SVOP: variants seen among roughly 807,000 people sequenced by gnomAD.
The protein encoded by SVOP is SV2 related protein, also known as synaptic vesicle 2-related protein.
Under a neutral mutation model 69.1 loss-of-function variants are expected in SVOP, and 17 were observed. That is an observed-to-expected ratio of 0.25 (90% CI 0.17 to 0.37). The LOEUF (loss-of-function observed/expected upper bound fraction) is 0.37. SVOP is among the 10% of genes least tolerant of loss of function. The pLI, the probability that SVOP is intolerant of heterozygous loss-of-function variation, is 1.00. For synonymous variants in SVOP, 238 were observed against 238.6 expected, an observed-to-expected ratio of 1.00 and a Z score of 0.02; for missense variants, 435 against 597.5, an observed-to-expected ratio of 0.73 and a Z score of 2.84.
chr12:108,912,153 G>T lies in SVOP; in HGVS notation c.*382C>A. 1.9e-6 allele frequency: 2 copies of T among 1,050,796 alleles called. No homozygotes were observed. The highest frequency in any genetic ancestry group is 2.3e-6 in the Non-Finnish European group (2 of 869,718). The allele number at this position is 1,050,796 out of a possible 1,614,324, so 65.1% of individuals were successfully genotyped here. Reference sequence around the variant, plus strand: ...GGTGGGTGGACAGCAGGTGTCACATGGGCCTGAGCCTGGACGGTATCTACA... The same window carrying T: ...GGTGGGTGGACAGCAGGTGTCACATTGGCCTGAGCCTGGACGGTATCTACA... On this transcript the variant is annotated 3_prime_UTR_variant, in exon 16 of 16. Transcript: ENST00000610966.
At chr12:108,956,422 C>T (rs2039986308) in intron 6 of SVOP, among the ~76,000 whole-genome samples, 1 of 152,076 alleles carries the variant, frequency 6.6e-6, no homozygotes, top group Non-Finnish European at 1.5e-5. Context: ...AGGGGGTGGG[C>T]GCTCTAGCAG....
intron 1 of SVOP, among the ~76,000 whole-genome samples, chr12:108,992,266 T>A (rs908575664): frequency 1.4e-5 from 2 of 146,012 alleles, no homozygotes; most frequent in African/African-American, 5.0e-5. Context: ...TCCTCAGGGG[T>A]GCAGTGGCTC....
chr12:108,921,350 T>C (rs1383389436), intron 12 of SVOP, among the ~76,000 whole-genome samples: 1 of 152,154 alleles, frequency 6.6e-6, no homozygotes, highest in Non-Finnish European at 1.5e-5. Context: ...GGGTACTCAG[T>C]ATCATAGTTG....
At chr12:108,977,368 G>T (rs1437019303) in intron 4 of SVOP, 30 bp downstream of exon 4, 1 of 1,536,062 alleles carries the variant, frequency 6.5e-7, no homozygotes, top group South Asian at 1.2e-5. Flanking sequence ...AGAACTGTAT[G>T]CAACAGAAGG....
At chr12:108,962,060 A>G (rs1010774328) in intron 5 of SVOP, among the ~76,000 whole-genome samples, 11 of 152,128 alleles carry the variant, frequency 7.2e-5, no homozygotes, top group African/African-American at 2.4e-4. Context: ...ATACTCTTAC[A>G]TCCTCCTAAT....
At chr12:108,997,380 G>T (rs1266514615) in intron 1 of SVOP, among the ~76,000 whole-genome samples, 5 of 150,940 alleles carry the variant, frequency 3.3e-5, no homozygotes, top group Non-Finnish European at 6.0e-5. Context: ...AGCGAGGCTG[G>T]GGGAGGGGCG....
rs1316340600 is a variant in SVOP at position 108,922,664 on chromosome 12, AGCTTCACCTTGC to A, written c.1156+14_1156+25del. The A allele has an allele frequency of 6.5e-7, 1 of 1,548,548 alleles. No individual in the cohort carries two copies. The highest frequency in any genetic ancestry group is 8.8e-7 in the Non-Finnish European group (1 of 1,131,758). On this transcript the variant is annotated intron_variant, in intron 12 of 15. Transcript: ENST00000610966. ...CCATATTCCCAGGCTTGCCTGACAC[AGCTTCACCTTGC>A]ACAGGTCCCTCACCTGGAAACTCAG... is the stretch of plus-strand genomic sequence containing the variant.
intron 7 of SVOP, among the ~76,000 whole-genome samples, chr12:108,942,396 C>A (rs1159835385): frequency 2.0e-5 from 3 of 152,226 alleles, no homozygotes; most frequent in Non-Finnish European, 4.4e-5. Context: ...AGAATTGCCA[C>A]TTCTCGATGG....
At chr12:109,002,609 C>A (rs1399606629) in intron 1 of SVOP, among the ~76,000 whole-genome samples, 2 of 151,164 alleles carry the variant, frequency 1.3e-5, no homozygotes, top group African/African-American at 4.9e-5. Flanking sequence ...ACATGTACAC[C>A]ATGGAACACT....
intron 11 of SVOP, among the ~76,000 whole-genome samples, chr12:108,924,482 T>C (rs1195596637): frequency 6.6e-6 from 1 of 152,142 alleles, no homozygotes; most frequent in African/African-American, 2.4e-5. Flanking sequence ...CTATTCTCTT[T>C]TATTATACCC....
intron 11 of SVOP, among the ~76,000 whole-genome samples, chr12:108,930,725 C>G (rs1050136302): frequency 3.3e-5 from 5 of 152,136 alleles, no homozygotes; most frequent in Admixed American, 6.5e-5. Context: ...TGAGCCACTA[C>G]GCCTGGTGAG....
chr12:108,968,117 G>C (rs1362217559), intron 5 of SVOP, among the ~76,000 whole-genome samples: 1 of 152,206 alleles, frequency 6.6e-6, no homozygotes, highest in Non-Finnish European at 1.5e-5. Context: ...GAGAGGATAA[G>C]GCAGTTGCTG....
intron 5 of SVOP, among the ~76,000 whole-genome samples, chr12:108,966,137 AC>A (rs1424570489): frequency 4.9e-4 from 74 of 152,032 alleles, no homozygotes; most frequent in Non-Finnish European, 1.5e-5. Flanking sequence ...AGTAGCCTGG[AC>A]CACAGTCACA....
In SVOP at chr12:108,978,684, G is replaced by A. The variant is rs1404134255; in HGVS notation, c.197-21C>T. 1.1e-5 allele frequency: 8 copies of A among 703,410 alleles called. No individual in the cohort carries two copies. In the African/African-American group the frequency reaches 1.4e-4, roughly 12 times the overall value. The allele number at this position is 703,410 out of a possible 1,614,324, so 43.6% of individuals were successfully genotyped here. On this transcript the variant is annotated intron_variant, in intron 2 of 15. Coordinates refer to ENST00000610966, the MANE Select transcript of SVOP (RefSeq NM_018711.5). ...AGTATCTGGGAAGGAGAAAGGGAGAGGGAAGGAAGGAATCAGTGCACCTTG... is the reference window on the plus strand; with the variant it reads ...AGTATCTGGGAAGGAGAAAGGGAGAAGGAAGGAAGGAATCAGTGCACCTTG...
At chr12:108,926,606 T>G (rs2039782132) in intron 11 of SVOP, 1 of 152,248 alleles carries the variant, frequency 6.6e-6, no homozygotes, top group Non-Finnish European at 1.5e-5. Flanking sequence ...TACCTTCACC[T>G]GTCATTGTCT....
At chr12:108,919,056 C>T (rs2039732034) in intron 13 of SVOP, among the ~76,000 whole-genome samples, 1 of 151,738 alleles carries the variant, frequency 6.6e-6, no homozygotes, top group Non-Finnish European at 1.5e-5. Context: ...TGGGCCGGCA[C>T]CCACACCCTA....
chr12:108,968,401 T>C (rs1177480997), intron 5 of SVOP, among the ~76,000 whole-genome samples: 2 of 152,168 alleles, frequency 1.3e-5, no homozygotes, highest in African/African-American at 2.4e-5. Flanking sequence ...CTCAAATCCA[T>C]GTTTCTGGCA....
intron 4 of SVOP, among the ~76,000 whole-genome samples, chr12:108,975,441 G>A (rs1356128100): frequency 1.3e-5 from 2 of 152,166 alleles, no homozygotes; most frequent in African/African-American, 2.4e-5. Flanking sequence ...AGCCTGCCAG[G>A]CCTGGCTTTC....
chr12:108,936,961 C>A, intron 10 of SVOP: 1 of 346,586 alleles, frequency 2.9e-6, no homozygotes, highest in African/African-American at 2.1e-5. Flanking sequence ...TTTGGGGAGG[C>A]TGAGGAGGGA....
Sources: allele counts gnomAD v4.1 joint callset (sites outside exome capture counted in the v4.1 genomes callset), GRCh38; gene constraint gnomAD v4.1.1; transcripts MANE v1.5; gene names NCBI Gene and HGNC (gene_info 2026-07-23, HGNC 2026-07-21).